Variants in ZNF536 observed in about 807,000 individuals in gnomAD.
ZNF536 encodes the protein zinc finger protein 536.
Under a neutral mutation model 84.5 loss-of-function variants are expected in ZNF536, and 13 were observed. The observed-to-expected ratio is 0.15, with a 90% CI of 0.10 to 0.24. The LOEUF is 0.24. Among genes scored for constraint, ZNF536 ranks in the 10% least tolerant of loss-of-function variants. ZNF536 has a pLI of 1.00. For synonymous variants in ZNF536, 811 were observed against 742.5 expected, an observed-to-expected ratio of 1.09 and a Z score of -1.50; for missense variants, 1,536 against 1,747.5, an observed-to-expected ratio of 0.88 and a Z score of 2.16.
intron 1 of ZNF536, among the ~76,000 whole-genome samples, chr19:30,274,695 C>A (rs1159845677): frequency 6.6e-6 from 1 of 152,120 alleles, no homozygotes; most frequent in African/African-American, 2.4e-5. Context: ...GGTGTATAGA[C>A]CATTTCGTCA....
intron 1 of ZNF536, among the ~76,000 whole-genome samples, chr19:30,636,813 A>C (rs998458437): frequency 2.0e-5 from 3 of 152,050 alleles, no homozygotes; most frequent in Admixed American, 2.0e-4. Context: ...GGGCCTGGGG[A>C]CGGGGGCAGG....
At chr19:30,481,039 A>T (rs1353277277) in intron 2 of ZNF536, among the ~76,000 whole-genome samples, 5 of 152,022 alleles carry the variant, frequency 3.3e-5, no homozygotes, top group African/African-American at 7.2e-5. Context: ...AAAAAAAAAA[A>T]AAAAAGGGTG....
chr19:30,509,103 G>A (rs1218263640), intron 2 of ZNF536, among the ~76,000 whole-genome samples: 5 of 150,954 alleles, frequency 3.3e-5, no homozygotes, highest in Middle Eastern at 3.4e-3. Context: ...CCAAAATGCT[G>A]GGATTACAGG....
chr19:30,559,652 G>A (rs2046087945), downstream of ZNF536, among the ~76,000 whole-genome samples: 1 of 152,170 alleles, frequency 6.6e-6, no homozygotes. Context: ...GGCCCAGAGG[G>A]GTATAGATGG....
chr19:30,429,105 C>T (rs2051338775), intron 1 of ZNF536, among the ~76,000 whole-genome samples: 1 of 152,182 alleles, frequency 6.6e-6, no homozygotes, highest in African/African-American at 2.4e-5. Context: ...GAGGGAGGAT[C>T]CAGGCCCACT....
intron 1 of ZNF536, among the ~76,000 whole-genome samples, chr19:30,278,757 C>T (rs560276247): frequency 6.6e-6 from 1 of 152,282 alleles, no homozygotes; most frequent in South Asian, 2.1e-4. Flanking sequence ...GCTCTCTCTC[C>T]AGCTCACACC....
intron 1 of ZNF536, among the ~76,000 whole-genome samples, chr19:30,583,962 G>A (rs1390163580): frequency 6.6e-6 from 1 of 152,178 alleles, no homozygotes; most frequent in Non-Finnish European, 1.5e-5. Flanking sequence ...CTCACTCAGG[G>A]AAACTGCCCA....
rs549476189 is a variant in ZNF536 at position 30,606,123 on chromosome 19, C to T, written c.169+56609C>T. Among the ~76,000 whole-genome samples, 7 of 148,240 alleles carry T rather than the reference C, an allele frequency of 4.7e-5. No individual in the cohort carries two copies. The South Asian group carries it at 1.3e-3, about 27-fold the overall frequency. On this transcript the variant is annotated intron_variant, in intron 1 of 1. Transcript: ENST00000592773. Reference sequence around the variant, plus strand: ...GAGCCATGATTGTGCCACTGCACTCCAGGCTGGGTGACAAAGTGAGACCTC... The same window carrying T: ...GAGCCATGATTGTGCCACTGCACTCTAGGCTGGGTGACAAAGTGAGACCTC...
rs186292613 is a variant in ZNF536 at position 30,378,855 on chromosome 19, G to A, written c.-3+6299G>A. ...CCCGAAGTTGTTCACTTCAAGTTTT[G>A]ACCCCCTGAGGGCCTCCTGTGTGCA... On this transcript the variant is annotated intron_variant, in intron 1 of 4. Coordinates refer to ENST00000355537, the MANE Select transcript of ZNF536 (RefSeq NM_014717.3). 1.6e-4 allele frequency among the ~76,000 whole-genome samples: 24 copies of A among 152,288 alleles called. No homozygotes were observed. In the East Asian group the frequency reaches 3.3e-3, roughly 21 times the overall value.
chr19:30,709,920 G>A (rs748724915), intron 1 of ZNF536, among the ~76,000 whole-genome samples: 1 of 152,004 alleles, frequency 6.6e-6, no homozygotes, highest in Non-Finnish European at 1.5e-5. Context: ...TCCAGCAATT[G>A]TTTGTTTTTA....
chr19:30,615,255 C>A (rs1284681975), intron 1 of ZNF536, among the ~76,000 whole-genome samples: 1 of 151,946 alleles, frequency 6.6e-6, no homozygotes, highest in African/African-American at 2.4e-5. Context: ...TCAATTTTTG[C>A]TTTTAGATCC....
At chr19:30,402,263 C>A (rs910467806) in intron 1 of ZNF536, among the ~76,000 whole-genome samples, 4 of 151,958 alleles carry the variant, frequency 2.6e-5, no homozygotes, top group African/African-American at 9.7e-5. Flanking sequence ...CTGAATTCTA[C>A]CACCTGTCAC....
At chr19:30,601,385 G>A (rs73028860) in intron 1 of ZNF536, among the ~76,000 whole-genome samples, 1 of 152,146 alleles carries the variant, frequency 6.6e-6, no homozygotes, top group African/African-American at 2.4e-5. Context: ...GAGTCACGTG[G>A]GCAGCAGATT....
At chr19:30,626,770 G>A (rs1447395618) in intron 1 of ZNF536, among the ~76,000 whole-genome samples, 3 of 152,220 alleles carry the variant, frequency 2.0e-5, no homozygotes, top group Admixed American at 1.3e-4. Context: ...AGGGGATGCT[G>A]GGCGGATGTG....
At chr19:30,523,826 C>G (rs2044465035) in intron 2 of ZNF536, among the ~76,000 whole-genome samples, 1 of 152,184 alleles carries the variant, frequency 6.6e-6, no homozygotes. Flanking sequence ...CAAGTGTGGT[C>G]AATGCCTCTC....
chr19:30,446,248 C>CAAAAAAAAAA lies in ZNF536; in HGVS notation c.2170+533_2170+542dup, dbSNP rs1177505634. On this transcript the variant is annotated intron_variant, in intron 2 of 4. Transcript: ENST00000355537. The stretch of plus-strand genomic sequence containing the variant: ...TGAGCGACAGAGTGAGACACTGTCT[C>CAAAAAAAAAA]AAAAAAAAAAAAAAAAAAAAAAAAA... Among the ~76,000 whole-genome samples, 165 of 29,000 alleles carry CAAAAAAAAAA rather than the reference C, an allele frequency of 5.7e-3. 4 individuals are homozygous for CAAAAAAAAAA. Among genetic ancestry groups the CAAAAAAAAAA allele is most frequent in the African/African-American group, 7.4e-3 (49 of 6,616 alleles). 19.0% of individuals were successfully genotyped at this position (29,000 alleles called of 152,430 possible). A position where few individuals can be genotyped will look rare whatever the true frequency, so the allele number is the denominator to read the frequency against.
chr19:30,703,888 T>A (rs1303574466), intron 1 of ZNF536, among the ~76,000 whole-genome samples: 1 of 152,192 alleles, frequency 6.6e-6, no homozygotes, highest in African/African-American at 2.4e-5. Context: ...AGCCTTGAGT[T>A]CTAGTGGTTG....
At chr19:30,662,537 TGGG>T (rs58201416) in intron 1 of ZNF536, among the ~76,000 whole-genome samples, 1 of 151,630 alleles carries the variant, frequency 6.6e-6, no homozygotes, top group Non-Finnish European at 1.5e-5. Flanking sequence ...CTCCCGCAGA[TGGG>T]GGGGGATAGT....
intron 2 of ZNF536, among the ~76,000 whole-genome samples, chr19:30,351,039 G>A (rs2047914977): frequency 6.6e-6 from 1 of 152,142 alleles, no homozygotes; most frequent in African/African-American, 2.4e-5. Flanking sequence ...AGAAGAAGTG[G>A]AAAAATAAAG....
Sources: allele counts gnomAD v4.1 joint callset (sites outside exome capture counted in the v4.1 genomes callset), GRCh38; gene constraint gnomAD v4.1.1; transcripts MANE v1.5; gene names NCBI Gene and HGNC (gene_info 2026-07-23, HGNC 2026-07-21).